ATXN7: variants seen among roughly 807,000 people sequenced by gnomAD.
ATXN7 encodes ataxin-7.
In ATXN7, 12 loss-of-function variants were observed where a neutral mutation model predicts 70.5. The ratio of observed to expected loss-of-function variants is 0.17; its 90% CI spans 0.11 to 0.28. The LOEUF (loss-of-function observed/expected upper bound fraction) is 0.28. Among genes scored for constraint, ATXN7 ranks in the 10% least tolerant of loss-of-function variants. ATXN7 has a pLI of 1.00. For synonymous variants in ATXN7, 498 were observed against 448.7 expected, an observed-to-expected ratio of 1.11 and a Z score of -1.39; for missense variants, 1,256 against 1,131.7, an observed-to-expected ratio of 1.11 and a Z score of -1.58.
rs2075501846 is a variant in ATXN7, at chr3:63,982,305, A to G, written c.872A>G (p.Asn291Ser). ...AGTTCCTTAGTCAAGCCTGGCCTTAACTGCCCCTCAATACCAAAGCCAACC... is the reference window on the plus strand; with the variant it reads ...AGTTCCTTAGTCAAGCCTGGCCTTAGCTGCCCCTCAATACCAAAGCCAACC... ...TVSSLVKPGLNCPSIPKPTLP... is the reference protein window; with the variant it reads ...TVSSLVKPGLSCPSIPKPTLP... The change falls in exon 7 of 13, where the codon AAC becomes AGC. Residue 291 changes from asparagine to serine, a missense_variant. By Grantham distance (46) the Asn-to-Ser change is conservative. Transcript: ENST00000674280. 3.1e-6 allele frequency: 5 copies of G among 1,614,202 alleles called. No homozygotes were observed. Among genetic ancestry groups the G allele is most frequent in the Non-Finnish European group, 4.2e-6 (5 of 1,180,034 alleles).
chr3:63,923,402 T>C (rs1215536822), intron 4 of ATXN7, among the ~76,000 whole-genome samples: 1 of 149,168 alleles, frequency 6.7e-6, no homozygotes, highest in South Asian at 2.1e-4. Flanking sequence ...TTGAATGCTG[T>C]GAAGTCAAAA....
intron 4 of ATXN7, among the ~76,000 whole-genome samples, chr3:63,916,802 C>A (rs1704285743): frequency 6.6e-6 from 1 of 152,164 alleles, no homozygotes; most frequent in Non-Finnish European, 1.5e-5. Context: ...GTTTTGTTTG[C>A]ATTCTTGTAT....
intron 1 of ATXN7, among the ~76,000 whole-genome samples, chr3:63,888,531 C>T (rs1016785074): frequency 1.3e-5 from 2 of 152,160 alleles, no homozygotes; most frequent in African/African-American, 4.8e-5. Context: ...ATAATCCCAG[C>T]ACTTTGGAAG....
intron 4 of ATXN7, among the ~76,000 whole-genome samples, chr3:63,948,036 G>C (rs1186378406): frequency 2.0e-5 from 3 of 152,094 alleles, no homozygotes. Context: ...TTTTAAACAG[G>C]GGAGTGATGT....
chr3:63,930,720 C>T (rs944434622), intron 4 of ATXN7, among the ~76,000 whole-genome samples: 3 of 151,946 alleles, frequency 2.0e-5, no homozygotes, highest in African/African-American at 7.3e-5. Flanking sequence ...TTATTAGAGA[C>T]GGGGTTTCTC....
At chr3:63,991,514 G>A (rs191710780) in intron 11 of ATXN7, among the ~76,000 whole-genome samples, 8 of 152,122 alleles carry the variant, frequency 5.3e-5, no homozygotes, top group African/African-American at 1.9e-4. Flanking sequence ...CAGTCACTGG[G>A]ACAGTAGGGA....
At chr3:63,884,225 ACACACACACACACACATACTCT>A (rs1258479872) in intron 1 of ATXN7, among the ~76,000 whole-genome samples, 71 of 148,104 alleles carry the variant, frequency 4.8e-4, no homozygotes, top group Middle Eastern at 6.9e-3. Flanking sequence ...ACACACACAC[ACACACACACACACACATACTCT>A]CACACACACA....
intron 5 of ATXN7, among the ~76,000 whole-genome samples, chr3:63,960,576 A>G (rs1183602382): frequency 6.6e-6 from 1 of 152,168 alleles, no homozygotes; most frequent in Non-Finnish European, 1.5e-5. Flanking sequence ...CAGAATTAAA[A>G]TCTGCATCGG....
Position 63,990,252 on chromosome 3 carries a change from C to G in ATXN7, c.1438C>G (p.Pro480Ala), listed in dbSNP as rs776709433. The change falls in exon 10 of 13, where the codon CCC becomes GCC. Residue 480 changes from proline to alanine, a missense_variant. Coordinates refer to ENST00000674280, the MANE Select transcript of ATXN7 (RefSeq NM_001377405.1). ...TCCAGTCCATGAATCTCCACACCCT[C>G]CCCTGCCTGCCACTGAGCCAGCTTC... ...PPPVHESPHPPLPATEPASRL... is the reference protein window; with the variant it reads ...PPPVHESPHPALPATEPASRL... The G allele has an allele frequency of 3.8e-5, 62 of 1,614,016 alleles. No individual in the cohort carries two copies. In the Admixed American group the frequency reaches 1.0e-3, roughly 26 times the overall value.
At chr3:63,993,811 A>T (rs2075711788) in intron 11 of ATXN7, among the ~76,000 whole-genome samples, 1 of 152,126 alleles carries the variant, frequency 6.6e-6, no homozygotes, top group Non-Finnish European at 1.5e-5. Flanking sequence ...TGGTCATGAG[A>T]AGCCACTGCT....
Position 63,995,631 on chromosome 3 carries a change from A to G in ATXN7, c.1809A>G (p.Pro603=). 2 of 1,614,166 alleles carry G rather than the reference A, an allele frequency of 1.2e-6. No individual in the cohort carries two copies. Among genetic ancestry groups the G allele is most frequent in the South Asian group, 2.2e-5 (2 of 91,084 alleles). Residue 603 remains proline (P), a synonymous_variant, in exon 12 of 13, where the codon CCA becomes CCG. Transcript: ENST00000674280. ...YLAAATVSTS[P]VLLSSTCISP... ...CAGCAGCCACCGTCTCTACATCCCC[A>G]GTCCTGCTCTCATCTACCTGCATCT... is the stretch of plus-strand genomic sequence containing the variant.
intron 1 of ATXN7, among the ~76,000 whole-genome samples, chr3:63,883,132 G>T (rs1702968778): frequency 1.3e-5 from 2 of 152,290 alleles, no homozygotes; most frequent in African/African-American, 4.8e-5. Flanking sequence ...GGGAAAAATG[G>T]AAACAGGGCC....
At chr3:63,997,487 CTT>C (rs2106810138) in intron 12 of ATXN7, 3 of 695,852 alleles carry the variant, frequency 4.3e-6, no homozygotes, top group Non-Finnish European at 7.3e-6. Flanking sequence ...TTAACCATGA[CTT>C]TCTCTCTTAG....
chr3:63,909,599 A>C (rs1703945760), intron 2 of ATXN7, among the ~76,000 whole-genome samples: 1 of 152,190 alleles, frequency 6.6e-6, no homozygotes, highest in African/African-American at 2.4e-5. Context: ...TGCTTTTAAA[A>C]GTTGCCAAAA....
At chr3:63,940,955 A>G (rs924343618) in intron 4 of ATXN7, among the ~76,000 whole-genome samples, 1 of 152,180 alleles carries the variant, frequency 6.6e-6, no homozygotes, top group African/African-American at 2.4e-5. Flanking sequence ...TTTGAGGAGT[A>G]GCTTAAGGAA....
intron 4 of ATXN7, among the ~76,000 whole-genome samples, chr3:63,923,838 G>C (rs1704596863): frequency 6.6e-6 from 1 of 152,046 alleles, no homozygotes; most frequent in Non-Finnish European, 1.5e-5. Flanking sequence ...CATCTGGAAG[G>C]GGCACTCTGA....
chr3:63,930,687 C>G lies in ATXN7; in HGVS notation c.394+17462C>G, dbSNP rs1704917257. ...GGGACTACAGGCGCCCACGACCACG[C>G]CCGGCTAATTTTTTTTGTATTTTTA... is the stretch of plus-strand genomic sequence containing the variant. On this transcript the variant is annotated intron_variant, in intron 4 of 12. Coordinates refer to ENST00000674280, the MANE Select transcript of ATXN7 (RefSeq NM_001377405.1). 2.0e-5 allele frequency among the ~76,000 whole-genome samples: 3 copies of G among 152,084 alleles called. No homozygotes were observed. In the South Asian group the frequency reaches 6.2e-4, roughly 31 times the overall value.
intron 4 of ATXN7, among the ~76,000 whole-genome samples, chr3:63,933,719 G>A (rs2074601515): frequency 6.6e-6 from 1 of 152,164 alleles, no homozygotes; most frequent in Admixed American, 6.5e-5. Context: ...CTGTGGTAAT[G>A]TCCCTTGTAT....
At chr3:63,932,629 C>T (rs1180128164) in intron 4 of ATXN7, among the ~76,000 whole-genome samples, 1 of 152,220 alleles carries the variant, frequency 6.6e-6, no homozygotes, top group Non-Finnish European at 1.5e-5. Flanking sequence ...ACCACAGCCT[C>T]TAAACTCCTT....
Sources: gnomAD v4.1 joint callset for allele counts (sites outside exome capture counted in the v4.1 genomes callset) on GRCh38, gnomAD v4.1.1 for gene constraint, MANE v1.5 for transcripts, NCBI Gene and HGNC (gene_info 2026-07-23, HGNC 2026-07-21) for gene names.